Variants in RAPGEF4 observed in about 807,000 individuals in gnomAD.
RAPGEF4 encodes RAP guanine-nucleotide-exchange factor (GEF) 4.
A neutral mutation model predicts 147.9 loss-of-function variants in RAPGEF4; 66 were observed. The ratio of observed to expected loss-of-function variants is 0.45; its 90% CI spans 0.37 to 0.55. The LOEUF is 0.55. Ranked by LOEUF, RAPGEF4 falls within the 20% of genes least tolerant of loss-of-function variation. RAPGEF4 has a pLI of 0.00. For synonymous variants in RAPGEF4, 419 were observed against 442.7 expected (o/e 0.95, Z 0.67); for missense variants, 1,071 against 1,257.3 (o/e 0.85, Z 2.24).
At chr2:172,755,147 A>G (rs1695651476) in intron 1 of RAPGEF4, among the ~76,000 whole-genome samples, 1 of 152,208 alleles carries the variant, frequency 6.6e-6, no homozygotes, top group African/African-American at 2.4e-5. Context: ...ATGCCGGGCT[A>G]CATTATGGTG....
At chr2:172,941,421 T>A (rs1021103409) in intron 6 of RAPGEF4, among the ~76,000 whole-genome samples, 1 of 152,206 alleles carries the variant, frequency 6.6e-6, no homozygotes, top group African/African-American at 2.4e-5. Flanking sequence ...GTTTCTAATT[T>A]GACTATTCTT....
intron 1 of RAPGEF4, among the ~76,000 whole-genome samples, chr2:172,757,448 G>C (rs540625736): frequency 6.6e-6 from 1 of 152,254 alleles, no homozygotes; most frequent in East Asian, 1.9e-4. Context: ...TTAAAGTTCT[G>C]TTTGCTTTTG....
intron 1 of RAPGEF4, among the ~76,000 whole-genome samples, chr2:172,739,637 C>T (rs1694131909): frequency 6.6e-6 from 1 of 152,204 alleles, no homozygotes; most frequent in African/African-American, 2.4e-5. Context: ...TCCCAAAGTG[C>T]TGGGAATACA....
At chr2:172,828,093 T>C (rs1413626818) in intron 4 of RAPGEF4, among the ~76,000 whole-genome samples, 3 of 152,126 alleles carry the variant, frequency 2.0e-5, no homozygotes, top group African/African-American at 7.2e-5. Context: ...AATGAACAAC[T>C]TGTGGCCGTC....
chr2:172,790,878 G>A (rs1685748010), intron 1 of RAPGEF4, among the ~76,000 whole-genome samples: 1 of 152,164 alleles, frequency 6.6e-6, no homozygotes, highest in Non-Finnish European at 1.5e-5. Flanking sequence ...GTCTTGGTCT[G>A]TTTTGTGCTG....
intron 6 of RAPGEF4, among the ~76,000 whole-genome samples, chr2:172,931,180 G>T (rs1303026498): frequency 1.9e-5 from 2 of 106,460 alleles, no homozygotes; most frequent in South Asian, 5.1e-4. Flanking sequence ...GGTGGGGGGG[G>T]GGGGCGCTGG....
At chr2:173,007,945 G>A (rs1416312736) in intron 17 of RAPGEF4, among the ~76,000 whole-genome samples, 1 of 152,152 alleles carries the variant, frequency 6.6e-6, no homozygotes, top group Non-Finnish European at 1.5e-5. Flanking sequence ...TGTAAAATAG[G>A]GGTAATTATA....
intron 3 of RAPGEF4, among the ~76,000 whole-genome samples, chr2:172,798,518 AAAC>A (rs1424916456): frequency 1.2e-4 from 18 of 152,154 alleles, no homozygotes; most frequent in African/African-American, 4.3e-4. Context: ...ATTCAGAAAA[AAAC>A]TGAAGGAAGA....
At chr2:172,931,482 A>C (rs953979310) in intron 6 of RAPGEF4, among the ~76,000 whole-genome samples, 1 of 152,160 alleles carries the variant, frequency 6.6e-6, no homozygotes, top group Non-Finnish European at 1.5e-5. Flanking sequence ...CAACAAATGG[A>C]AAGTCATTCA....
chr2:173,011,191 C>CAT (rs1694996299), intron 17 of RAPGEF4, among the ~76,000 whole-genome samples: 2 of 152,118 alleles, frequency 1.3e-5, no homozygotes, highest in South Asian at 4.2e-4. Context: ...CACACACACA[C>CAT]ACACACACAC....
chr2:172,792,239 C>T (rs1574851780), intron 1 of RAPGEF4, among the ~76,000 whole-genome samples: 2 of 152,212 alleles, frequency 1.3e-5, no homozygotes, highest in Admixed American at 6.5e-5. Context: ...CCCAGACACA[C>T]CAAGACTGAA....
intron 6 of RAPGEF4, among the ~76,000 whole-genome samples, chr2:172,942,884 G>C (rs1376623287): frequency 6.6e-6 from 1 of 152,028 alleles, no homozygotes; most frequent in African/African-American, 2.4e-5. Context: ...TCATACTTGG[G>C]CATGTGTTTG....
chr2:172,912,988 C>T (rs368366868), intron 4 of RAPGEF4, among the ~76,000 whole-genome samples: 5 of 151,058 alleles, frequency 3.3e-5, no homozygotes, highest in East Asian at 3.9e-4. Context: ...CTCCACCTCC[C>T]GGGTTCAAGC....
Position 172,814,439 on chromosome 2 carries a change from C to T in RAPGEF4, c.444+14C>T, listed in dbSNP as rs764689256. ...GCACTATGGGAGGTGAGCCCTAAGG[C>T]TTCTTTGTCAATTAATGCAGTTTCA... On this transcript the variant is annotated intron_variant, in intron 4 of 30. Coordinates refer to ENST00000397081, the MANE Select transcript of RAPGEF4 (RefSeq NM_007023.4). 4 of 1,613,830 alleles carry T rather than the reference C, an allele frequency of 2.5e-6. No homozygotes were observed. Among genetic ancestry groups the T allele is most frequent in the Non-Finnish European group, 3.4e-6 (4 of 1,179,790 alleles).
intron 4 of RAPGEF4, among the ~76,000 whole-genome samples, chr2:172,867,526 C>T (rs1694784839): frequency 6.6e-6 from 1 of 152,088 alleles, no homozygotes; most frequent in Non-Finnish European, 1.5e-5. Flanking sequence ...ACATGAAGGT[C>T]CAAGAGAATA....
chr2:172,854,782 A>G (rs1395070996), intron 4 of RAPGEF4, among the ~76,000 whole-genome samples: 2 of 152,152 alleles, frequency 1.3e-5, no homozygotes, highest in Admixed American at 6.5e-5. Context: ...ATGCAAGGCC[A>G]ACAAAAATAG....
intron 29 of RAPGEF4, among the ~76,000 whole-genome samples, chr2:173,046,252 G>C (rs549502633): frequency 1.2e-4 from 18 of 152,294 alleles, no homozygotes; most frequent in African/African-American, 4.3e-4. Flanking sequence ...GAACTTCAGG[G>C]CTGGAAATTA....
chr2:172,892,011 T>A (rs1239980596), intron 4 of RAPGEF4, among the ~76,000 whole-genome samples: 1 of 152,160 alleles, frequency 6.6e-6, no homozygotes, highest in Non-Finnish European at 1.5e-5. Context: ...TTTTATAAAA[T>A]GACCATGAAG....
intron 10 of RAPGEF4, among the ~76,000 whole-genome samples, chr2:172,975,691 G>A (rs558140001): frequency 1.3e-5 from 2 of 152,294 alleles, no homozygotes; most frequent in African/African-American, 4.8e-5. Flanking sequence ...ATTTTGCAAG[G>A]AAGAAGTAAC....
Sources: allele counts gnomAD v4.1 joint callset (sites outside exome capture counted in the v4.1 genomes callset), GRCh38; gene constraint gnomAD v4.1.1; transcripts MANE v1.5; gene names NCBI Gene and HGNC (gene_info 2026-07-23, HGNC 2026-07-21).